The following FAM131C variants were observed in gnomAD, a reference collection of about 807,000 sequenced individuals.
The protein encoded by FAM131C is family with sequence similarity 131 member C.
Under a neutral mutation model 29.8 loss-of-function variants are expected in FAM131C, and 14 were observed. The ratio of observed to expected loss-of-function variants is 0.47; its 90% CI spans 0.31 to 0.73. The LOEUF (loss-of-function observed/expected upper bound fraction) is 0.73, where lower values mean the gene tolerates loss of function less well. Ranked by LOEUF, FAM131C falls within the 30% of genes least tolerant of loss-of-function variation. The probability of loss-of-function intolerance (pLI) is 0.05; values close to 1 mark genes in which losing one functional copy is unlikely to be tolerated. For missense variants in FAM131C, 252 were observed against 383.8 expected (o/e 0.66, Z 2.87); for synonymous variants, 86 against 157.8 (o/e 0.54, Z 3.41).
chr1:16,062,076 G>A (rs772312179), intron 4 of FAM131C, 23 bp downstream of exon 4: 1 of 1,608,742 alleles, frequency 6.2e-7, no homozygotes, highest in Non-Finnish European at 8.5e-7. Context: ...TCCACCGGCA[G>A]GAGAGTTGCG....
At chr1:16,071,730 A>G (rs531063720) in intron 1 of FAM131C, among the ~76,000 whole-genome samples, 1 of 152,154 alleles carries the variant, frequency 6.6e-6, no homozygotes, top group Non-Finnish European at 1.5e-5. Flanking sequence ...TGTGGCCCCA[A>G]AGAGCCCTGG....
At chr1:16,072,456 T>A (rs528951799) in intron 1 of FAM131C, among the ~76,000 whole-genome samples, 1 of 152,102 alleles carries the variant, frequency 6.6e-6, no homozygotes, top group East Asian at 1.9e-4. Context: ...GGCCTCAGCC[T>A]GCAGAGCCTG....
intron 1 of FAM131C, among the ~76,000 whole-genome samples, chr1:16,064,804 G>A (rs1477719644): frequency 6.6e-6 from 1 of 152,166 alleles, no homozygotes; most frequent in East Asian, 1.9e-4. Context: ...AGGCTTTCAT[G>A]AGGCAGCCCT....
intron 1 of FAM131C, among the ~76,000 whole-genome samples, chr1:16,070,209 T>A (rs1193517655): frequency 6.6e-6 from 1 of 152,156 alleles, no homozygotes; most frequent in Non-Finnish European, 1.5e-5. Context: ...CCACATCCCT[T>A]GTCACAGGGT....
chr1:16,060,099 C>A, intron 4 of FAM131C, 48 bp from the exon 5 acceptor site: 1 of 1,034,426 alleles, frequency 9.7e-7, no homozygotes, highest in Non-Finnish European at 1.4e-6. Context: ...CAAGGCTCAG[C>A]GCAGGGCCTG....
Position 16,058,380 on chromosome 1 carries a change from C to T in FAM131C, c.*57G>A, listed in dbSNP as rs1301293841. On this transcript the variant is annotated 3_prime_UTR_variant, in exon 7 of 7. Coordinates refer to ENST00000375662, the MANE Select transcript of FAM131C (RefSeq NM_182623.3). Reference sequence around the variant, plus strand: ...ACCCCGGGGTCCAGATATGCCTGGGCTGCCCACCAGGCGAGGTCATGGTGA... The same window carrying T: ...ACCCCGGGGTCCAGATATGCCTGGGTTGCCCACCAGGCGAGGTCATGGTGA... 5.0e-6 allele frequency: 7 copies of T among 1,412,872 alleles called. No homozygotes were observed. The highest frequency in any genetic ancestry group is 6.5e-6 in the Non-Finnish European group (7 of 1,069,902). The allele number at this position is 1,412,872 out of a possible 1,614,324, so 87.5% of individuals were successfully genotyped here.
chr1:16,064,469 C>A (rs1039452288), intron 1 of FAM131C, among the ~76,000 whole-genome samples: 2 of 152,194 alleles, frequency 1.3e-5, no homozygotes, highest in Admixed American at 6.5e-5. Flanking sequence ...GCCCTCCCCC[C>A]AGAGGCTCTG....
intron 1 of FAM131C, among the ~76,000 whole-genome samples, chr1:16,066,819 G>A (rs1235611431): frequency 6.6e-6 from 1 of 152,194 alleles, no homozygotes; most frequent in African/African-American, 2.4e-5. Flanking sequence ...AAAAAAGTTT[G>A]CAAGTTGCCA....
chr1:16,068,140 G>A (rs1275299433), intron 1 of FAM131C, among the ~76,000 whole-genome samples: 2 of 152,230 alleles, frequency 1.3e-5, no homozygotes, highest in African/African-American at 2.4e-5. Flanking sequence ...ACCATTGCCC[G>A]GGTGTGTACT....
chr1:16,059,896 C>T lies in FAM131C; in HGVS notation c.424G>A (p.Glu142Lys), dbSNP rs200562695. The change falls in exon 5 of 7, where the codon GAG becomes AAG. Residue 142 changes from glutamate to lysine, a missense_variant. Around this residue, in one of 6 missense-constraint regions of FAM131C, gnomAD observed 38 missense variants for 32.7 expected, o/e 1.16. Transcript: ENST00000375662. ...EDEHYCCLPD[E>K]LREARFAAGV... The stretch of plus-strand genomic sequence containing the variant: ...GCAGCAAAGCGGGCCTCACGCAGCT[C>T]ATCCGGGAGGCAGCAGTAATGCTCG... The T allele has an allele frequency of 2.2e-4, 282 of 1,302,702 alleles. No homozygotes were observed. In the African/African-American group the frequency reaches 4.3e-3, roughly 20 times the overall value. 80.7% of individuals were successfully genotyped at this position (1,302,702 alleles called of 1,614,324 possible).
chr1:16,071,394 G>C (rs1177955154), intron 1 of FAM131C, among the ~76,000 whole-genome samples: 1 of 152,204 alleles, frequency 6.6e-6, no homozygotes, highest in African/African-American at 2.4e-5. Context: ...GTAAGATAGG[G>C]ACTGTGTTCA....
intron 4 of FAM131C, among the ~76,000 whole-genome samples, chr1:16,060,473 G>A (rs1473367663): frequency 3.8e-5 from 5 of 131,232 alleles, no homozygotes; most frequent in Non-Finnish European, 8.7e-5. Context: ...CTTTCTCCAT[G>A]ATCCATTAAA....
intron 1 of FAM131C, among the ~76,000 whole-genome samples, chr1:16,066,823 G>A (rs1473741044): frequency 6.6e-6 from 1 of 152,178 alleles, no homozygotes; most frequent in Non-Finnish European, 1.5e-5. Flanking sequence ...AAGTTTGCAA[G>A]TTGCCAATCC....
At chr1:16,062,384 C>CA (rs1456477987) in intron 3 of FAM131C, 115 bp downstream of exon 3, 4 of 810,880 alleles carry the variant, frequency 4.9e-6, no homozygotes, top group African/African-American at 3.8e-5. Context: ...CATCAGGCCC[C>CA]CCCCCCCCCC....
chr1:16,062,380 G>GCCCCCCCCCCCCCCCCC, intron 3 of FAM131C, 119 bp downstream of exon 3: 22 of 858,388 alleles, frequency 2.6e-5, no homozygotes, highest in African/African-American at 3.0e-5. Flanking sequence ...GTTTCATCAG[G>GCCCCCCCCCCCCCCCCC]CCCCCCCCCC....
At chr1:16,059,273 G>A (rs10927897) in intron 6 of FAM131C, among the ~76,000 whole-genome samples, 38,137 of 147,544 alleles carry the variant, frequency 0.26, 2,555 homozygotes, top group African/African-American at 0.41. Flanking sequence ...TGTGGTAAGC[G>A]CTCGATTCCC....
intron 1 of FAM131C, among the ~76,000 whole-genome samples, chr1:16,065,946 C>CTGGA (rs1057187741): frequency 8.5e-5 from 13 of 152,076 alleles, no homozygotes; most frequent in Admixed American, 2.6e-4. Flanking sequence ...GTCACCCAGG[C>CTGGA]TGGAGTACAG....
In FAM131C at chr1:16,058,535, C is replaced by T. The variant is rs767898181; in HGVS notation, c.745G>A (p.Gly249Arg). 67 of 1,523,842 alleles carry T rather than the reference C, an allele frequency of 4.4e-5. No individual in the cohort carries two copies. The highest frequency in any genetic ancestry group is 1.4e-4 in the African/African-American group (10 of 72,686). The allele number at this position is 1,523,842 out of a possible 1,614,324, so 94.4% of individuals were successfully genotyped here. A position where few individuals can be genotyped will look rare whatever the true frequency, so the allele number is the denominator to read the frequency against. The change falls in exon 7 of 7, where the codon GGG becomes AGG. Residue 249 changes from glycine (G) to arginine (R), a missense_variant. By Grantham distance (125) the Gly-to-Arg change is moderately radical. Coordinates refer to ENST00000375662, the MANE Select transcript of FAM131C (RefSeq NM_182623.3). Reference sequence around the variant, plus strand: ...GTCCCACCCTCGGGTCCTTGGGCCCCGGGCAGCCGCCGCCGATGCTGCAGC... The same window carrying T: ...GTCCCACCCTCGGGTCCTTGGGCCCTGGGCAGCCGCCGCCGATGCTGCAGC... ...PELQHRRRLP[G>R]AQGPEGGTHP...
intron 1 of FAM131C, among the ~76,000 whole-genome samples, chr1:16,064,681 T>G (rs1461892443): frequency 6.6e-6 from 1 of 152,210 alleles, no homozygotes; most frequent in Non-Finnish European, 1.5e-5. Flanking sequence ...TTGTGACCAC[T>G]GTTTCCTTCC....
Sources: gnomAD v4.1 joint callset for allele counts (sites outside exome capture counted in the v4.1 genomes callset) on GRCh38, gnomAD v4.1.1 for gene constraint, gnomAD v4.1.1 regional missense constraint, MANE v1.5 for transcripts, NCBI Gene and HGNC (gene_info 2026-07-23, HGNC 2026-07-21) for gene names.